LRRC49: variants seen among roughly 807,000 people sequenced by gnomAD.
The protein encoded by LRRC49 is leucine rich repeat containing 49.
In LRRC49, 50 loss-of-function variants were observed where a neutral mutation model predicts 83.3. That is an observed-to-expected ratio of 0.60 (90% CI 0.48 to 0.76). The LOEUF (loss-of-function observed/expected upper bound fraction) is 0.76. LRRC49 is among the 30% of genes least tolerant of loss of function. The probability of loss-of-function intolerance (pLI) is 0.00; values close to 1 mark genes in which losing one functional copy is unlikely to be tolerated. For synonymous variants in LRRC49, 286 were observed against 283.3 expected, an observed-to-expected ratio of 1.01 and a Z score of -0.10; for missense variants, 704 against 809.1, an observed-to-expected ratio of 0.87 and a Z score of 1.58.
rs1373163189 is a variant in LRRC49 at position 70,936,781 on chromosome 15, C to T, written c.732C>T (p.Pro244=). The part of the protein sequence containing the change: ...ITFVRDVDNL[P]CLQHLFLSFN... ...TCCAGAGAGATGTGGATAATTTGCC[C>T]TGCCTCCAACATCTCTTTCTCAGCT... Residue 244 remains proline, a synonymous_variant, in exon 8 of 16, where the codon CCC becomes CCT. Transcript: ENST00000260382. 1 of 1,610,962 alleles carries T rather than the reference C, an allele frequency of 6.2e-7. No individual in the cohort carries two copies. Among genetic ancestry groups the T allele is most frequent in the Admixed American group, 1.7e-5 (1 of 60,002 alleles).
intron 11 of LRRC49, among the ~76,000 whole-genome samples, chr15:70,990,480 C>T (rs1198948868): frequency 6.6e-6 from 1 of 152,208 alleles, no homozygotes; most frequent in African/African-American, 2.4e-5. Context: ...TTTTTAAGCC[C>T]ATCGGAAAAG....
chr15:70,862,967 C>T lies in LRRC49; in HGVS notation c.-299+9498C>T, dbSNP rs116846117. ...TCAGGTTGTACACAGCACGAGGATG[C>T]TTGGCATAGGGGATAAAGGGATGAA... On this transcript the variant is annotated intron_variant, in intron 1 of 16. Transcript: ENST00000544974. Among the ~76,000 whole-genome samples, 15 of 152,286 alleles carry T rather than the reference C, an allele frequency of 9.8e-5. No individual in the cohort carries two copies. The East Asian group carries it at 2.3e-3, about 24-fold the overall frequency.
intron 11 of LRRC49, among the ~76,000 whole-genome samples, chr15:70,994,066 C>G (rs768173643): frequency 1.3e-5 from 2 of 152,042 alleles, no homozygotes; most frequent in Admixed American, 1.3e-4. Flanking sequence ...AGGCTGGTCT[C>G]GAACTCCTGA....
rs150483757 is a variant in LRRC49, at chr15:71,029,045, C to T, written c.1704-8134C>T. On this transcript the variant is annotated intron_variant, in intron 14 of 15. Transcript: ENST00000260382. ...TCTTTTAATTGTAACGTTAGGGTGT[C>T]GATTTTATATCTTTCCAGCTTTCTG... 4.1e-4 allele frequency among the ~76,000 whole-genome samples: 62 copies of T among 152,102 alleles called. 2 individuals carry two copies. Among genetic ancestry groups the T allele is most frequent in the Admixed American group, 3.7e-3 (57 of 15,254 alleles).
intron 1 of LRRC49, chr15:70,860,188 T>C (rs1435441267): frequency 1.2e-5 from 8 of 657,130 alleles, no homozygotes; most frequent in Admixed American, 9.2e-5. Flanking sequence ...CCTCCCATCC[T>C]ACCCCTCCTG....
intron 14 of LRRC49, among the ~76,000 whole-genome samples, chr15:71,029,355 G>A (rs1490254725): frequency 6.6e-6 from 1 of 152,168 alleles, no homozygotes; most frequent in East Asian, 1.9e-4. Flanking sequence ...TCTTAATCCT[G>A]AGTTCTAATT....
rs918260677 is a variant in LRRC49, at chr15:70,987,818, C to T, written c.1169+3561C>T. Among the ~76,000 whole-genome samples the T allele has an allele frequency of 4.6e-5, 7 of 151,796 alleles. No individual in the cohort carries two copies. The South Asian group carries it at 8.4e-4, about 18-fold the overall frequency. The stretch of plus-strand genomic sequence containing the variant: ...ACACACTGCTTTGAATGTGTCCCAG[C>T]GATTCTGGTATGTTGTGTCTTTGTT... On this transcript the variant is annotated intron_variant, in intron 11 of 15. Transcript: ENST00000260382.
At chr15:70,893,728 T>C in intron 2 of LRRC49, 88 bp downstream of exon 2, 1 of 1,023,624 alleles carries the variant, frequency 9.8e-7, no homozygotes, top group South Asian at 1.4e-5. Flanking sequence ...AGATAGATTC[T>C]AAACTGAAAA....
chr15:70,901,850 C>T (rs963290897), intron 4 of LRRC49, among the ~76,000 whole-genome samples: 5 of 152,102 alleles, frequency 3.3e-5, no homozygotes, highest in Admixed American at 6.6e-5. Flanking sequence ...ATTTAGAACT[C>T]GATCCCCATC....
At chr15:70,872,570 C>T (rs2033071942) in intron 1 of LRRC49, among the ~76,000 whole-genome samples, 1 of 152,126 alleles carries the variant, frequency 6.6e-6, no homozygotes, top group Non-Finnish European at 1.5e-5. Flanking sequence ...GGTTCTGGGA[C>T]TGGGTTTAGA....
chr15:71,023,926 C>T (rs889835953), intron 14 of LRRC49, among the ~76,000 whole-genome samples: 9 of 152,304 alleles, frequency 5.9e-5, no homozygotes, highest in Admixed American at 1.3e-4. Flanking sequence ...CTGCCTAAGA[C>T]GACTGAGCTT....
At chr15:70,933,035 T>C (rs2035469291) in intron 7 of LRRC49, among the ~76,000 whole-genome samples, 1 of 152,148 alleles carries the variant, frequency 6.6e-6, no homozygotes, top group East Asian at 1.9e-4. Context: ...GGCCATTTAG[T>C]TCTTTTATGC....
intron 1 of LRRC49, among the ~76,000 whole-genome samples, chr15:70,872,425 A>AG (rs2033068921): frequency 1.3e-5 from 1 of 77,322 alleles, no homozygotes; most frequent in Non-Finnish European, 2.5e-5. Flanking sequence ...GGAGAGGAGG[A>AG]GGGGGAGGGC....
intron 9 of LRRC49, among the ~76,000 whole-genome samples, chr15:70,968,389 A>G (rs2036870774): frequency 6.6e-6 from 1 of 152,034 alleles, no homozygotes; most frequent in Admixed American, 6.6e-5. Context: ...CCTAAGATTG[A>G]TGGGCATTTT....
At chr15:71,049,292 G>A in intron 15 of LRRC49, 117 bp from the exon 16 acceptor site, 1 of 660,270 alleles carries the variant, frequency 1.5e-6, no homozygotes, top group Non-Finnish European at 2.6e-6. Flanking sequence ...AGGAGTAGAT[G>A]GGGGAGGAAT....
Position 70,984,078 on chromosome 15 carries a change from A to G in LRRC49, c.1006-16A>G. The G allele has an allele frequency of 6.2e-7, 1 of 1,610,518 alleles. No homozygotes were observed. On this transcript the variant is annotated splice_polypyrimidine_tract_variant and intron_variant, in intron 10 of 15. Transcript: ENST00000260382. Reference sequence around the variant, plus strand: ...ATTGCATTATATAACTTTTGTCACAATTAACTTTTTCATAGGAGAAGAAAA... The same window carrying G: ...ATTGCATTATATAACTTTTGTCACAGTTAACTTTTTCATAGGAGAAGAAAA...
intron 8 of LRRC49, among the ~76,000 whole-genome samples, chr15:70,951,501 G>A (rs1021263046): frequency 2.0e-5 from 3 of 151,950 alleles, no homozygotes; most frequent in Non-Finnish European, 2.9e-5. Flanking sequence ...GTATCCTTAG[G>A]TATTTTATTC....
Position 70,964,480 on chromosome 15 carries a change from A to G in LRRC49, c.921+548A>G, listed in dbSNP as rs191903346. On this transcript the variant is annotated intron_variant, in intron 9 of 15. Coordinates refer to ENST00000260382, the MANE Select transcript of LRRC49 (RefSeq NM_017691.5). ...TGCGAGGCTCCTAGGAGGCATTTGT[A>G]TGTAGTTGTTATTGTTGATGTTATA... 4.8e-3 allele frequency among the ~76,000 whole-genome samples: 729 copies of G among 152,264 alleles called. 2 individuals are homozygous for G. Among genetic ancestry groups the G allele is most frequent in the Middle Eastern group, 0.01 (3 of 294 alleles).
At chr15:70,901,095 A>T in intron 4 of LRRC49, 71 bp downstream of exon 4, 3 of 824,408 alleles carry the variant, frequency 3.6e-6, no homozygotes, top group Non-Finnish European at 5.9e-6. Context: ...GACTTGAAAG[A>T]TGCAAGTCTC....
Sources: gnomAD v4.1 joint callset for allele counts (sites outside exome capture counted in the v4.1 genomes callset) on GRCh38, gnomAD v4.1.1 for gene constraint, MANE v1.5 for transcripts, NCBI Gene and HGNC (gene_info 2026-07-23, HGNC 2026-07-21) for gene names.